Variants in NRG1 observed in about 807,000 individuals in gnomAD.
The protein encoded by NRG1 is neuregulin 1.
In NRG1, 18 loss-of-function variants were observed where a neutral mutation model predicts 63.8. The observed-to-expected ratio is 0.28, with a 90% CI of 0.19 to 0.42. NRG1 has a LOEUF of 0.42. Among genes scored for constraint, NRG1 ranks in the 10% least tolerant of loss-of-function variants. The pLI is 1.00. For synonymous variants in NRG1, 302 were observed against 301.3 expected (o/e 1.00, Z -0.02); for missense variants, 762 against 814.7 (o/e 0.94, Z 0.79).
intron 1 of NRG1, among the ~76,000 whole-genome samples, chr8:31,945,878 C>A (rs765059013): frequency 2.0e-5 from 3 of 152,186 alleles, no homozygotes; most frequent in Non-Finnish European, 2.9e-5. Context: ...GCAACATTCT[C>A]CAGCTGACTA....
intron 1 of NRG1, among the ~76,000 whole-genome samples, chr8:32,129,725 A>G (rs2131618497): frequency 6.6e-6 from 1 of 152,058 alleles, no homozygotes; most frequent in South Asian, 2.1e-4. Flanking sequence ...TCACGATAAA[A>G]AGCTGTGTCG....
At chr8:31,717,410 A>C (rs565311132) in intron 1 of NRG1, among the ~76,000 whole-genome samples, 1 of 22,264 alleles carries the variant, frequency 4.5e-5, no homozygotes, top group Non-Finnish European at 2.0e-4. Context: ...CCATCTCGAC[A>C]TTAAAAAAAA....
chr8:32,104,224 C>T (rs1049361668), intron 1 of NRG1, among the ~76,000 whole-genome samples: 4 of 152,150 alleles, frequency 2.6e-5, no homozygotes, highest in African/African-American at 7.2e-5. Context: ...TGTTACTGTA[C>T]TTAATACTGT....
At chr8:31,896,033 C>T (rs1291114065) in intron 1 of NRG1, among the ~76,000 whole-genome samples, 1 of 152,064 alleles carries the variant, frequency 6.6e-6, no homozygotes, top group African/African-American at 2.4e-5. Flanking sequence ...TGTTTTTGCC[C>T]ATTTTCTGCA....
In NRG1 at chr8:32,165,991, G is replaced by A. The variant is rs113750235; in HGVS notation, c.38-429837G>A. Among the ~76,000 whole-genome samples, 505 of 152,118 alleles carry A rather than the reference G, an allele frequency of 3.3e-3. 1 individual carries two copies. Among genetic ancestry groups the A allele is most frequent in the South Asian group, 0.024 (114 of 4,816 alleles). On this transcript the variant is annotated intron_variant, in intron 1 of 10. Transcript: ENST00000519301. Reference sequence around the variant, plus strand: ...ATAGGGATTTACTTCATTCTGAAATGGAATAATTTCATCCTCACCCTGCTT... The same window carrying A: ...ATAGGGATTTACTTCATTCTGAAATAGAATAATTTCATCCTCACCCTGCTT...
chr8:31,848,855 C>G (rs1314524499), intron 1 of NRG1, among the ~76,000 whole-genome samples: 1 of 152,168 alleles, frequency 6.6e-6, no homozygotes, highest in East Asian at 1.9e-4. Context: ...GTTGTACAAT[C>G]ACTTCATTAT....
At chr8:31,671,139 A>AT (rs35000459) in intron 1 of NRG1, among the ~76,000 whole-genome samples, 62,029 of 151,600 alleles carry the variant, frequency 0.41, 13,614 homozygotes, top group Non-Finnish European at 0.49. Context: ...CCATGATCTC[A>AT]TTTTTTTTAA....
chr8:32,380,366 G>T (rs972264586), intron 1 of NRG1, among the ~76,000 whole-genome samples: 30 of 151,942 alleles, frequency 2.0e-4, no homozygotes, highest in Admixed American at 2.0e-3. Context: ...GAGTGTTTCT[G>T]GAAATCTTTT....
chr8:32,595,736 TGCC>T, intron 1 of NRG1, 89 bp from the exon 2 acceptor site: 1 of 1,152,364 alleles, frequency 8.7e-7, no homozygotes, highest in Admixed American at 2.4e-5. Context: ...TTTGGAATGG[TGCC>T]TTGATCAGGC....
At chr8:32,325,982 A>G (rs531505188) in intron 1 of NRG1, among the ~76,000 whole-genome samples, 5 of 150,442 alleles carry the variant, frequency 3.3e-5, no homozygotes, top group Non-Finnish European at 7.4e-5. Flanking sequence ...ATTTTGTCCA[A>G]CTGATGTTTT....
At chr8:32,387,968 C>T (rs1205404031) in intron 1 of NRG1, among the ~76,000 whole-genome samples, 4 of 152,146 alleles carry the variant, frequency 2.6e-5, no homozygotes, top group South Asian at 4.1e-4. Context: ...AAGCTTGTTA[C>T]GATTCAGTCA....
intron 1 of NRG1, among the ~76,000 whole-genome samples, chr8:32,481,894 G>A (rs1825331145): frequency 6.6e-6 from 1 of 152,178 alleles, no homozygotes; most frequent in South Asian, 2.1e-4. Flanking sequence ...ATAAGGAAAT[G>A]CCCAGCTTGT....
chr8:32,257,125 A>C (rs1849814631), intron 1 of NRG1, among the ~76,000 whole-genome samples: 1 of 152,058 alleles, frequency 6.6e-6, no homozygotes, highest in African/African-American at 2.4e-5. Context: ...AATGGTGGAC[A>C]CCCCTCCCCT....
intron 1 of NRG1, among the ~76,000 whole-genome samples, chr8:32,449,701 A>G (rs1820724360): frequency 6.6e-6 from 1 of 152,204 alleles, no homozygotes; most frequent in Admixed American, 6.5e-5. Context: ...TACTGTGGCA[A>G]TACATATTTG....
At position 32,186,290 on chromosome 8, in the gene NRG1, C is replaced by A. The variant is rs537008633; in HGVS notation, c.38-409538C>A. 7.9e-5 allele frequency among the ~76,000 whole-genome samples: 12 copies of A among 151,852 alleles called. No individual in the cohort carries two copies. In the South Asian group the frequency reaches 2.5e-3, roughly 32 times the overall value. ...CATCCTGGCTAACACAGTGAAACCC[C>A]ATTTCACTAAAAATACAAAAATTAG... On this transcript the variant is annotated intron_variant, in intron 1 of 10. Transcript: ENST00000519301.
At chr8:32,738,678 A>G (rs1486107584) in intron 6 of NRG1, among the ~76,000 whole-genome samples, 2 of 152,210 alleles carry the variant, frequency 1.3e-5, no homozygotes, top group African/African-American at 4.8e-5. Context: ...TGTTAGAAGT[A>G]ATTCCACAGA....
intron 1 of NRG1, among the ~76,000 whole-genome samples, chr8:32,373,721 T>C (rs1490770781): frequency 6.6e-6 from 1 of 152,116 alleles, no homozygotes; most frequent in Non-Finnish European, 1.5e-5. Context: ...GAGGTTGCAG[T>C]GAGCCAAGAT....
At position 31,793,213 on chromosome 8, in the gene NRG1, C is replaced by T. The variant is rs114699253; in HGVS notation, c.37+153782C>T. The stretch of plus-strand genomic sequence containing the variant: ...GGCAGGAAAGAAAAACAAGACTATT[C>T]TTTGCAGATGGAGAAAAAAATGAAG... On this transcript the variant is annotated intron_variant, in intron 1 of 10. Transcript: ENST00000519301. Among the ~76,000 whole-genome samples the T allele has an allele frequency of 1.3e-3, 198 of 152,226 alleles. 2 individuals carry two copies. The highest frequency in any genetic ancestry group is 4.4e-3 in the African/African-American group (184 of 41,552).
chr8:32,181,130 A>G (rs1420570448), intron 1 of NRG1, among the ~76,000 whole-genome samples: 1 of 152,210 alleles, frequency 6.6e-6, no homozygotes, highest in African/African-American at 2.4e-5. Flanking sequence ...GAAAGAAGAA[A>G]TGTGTGAATA....
Sources: allele counts gnomAD v4.1 joint callset (sites outside exome capture counted in the v4.1 genomes callset), GRCh38; gene constraint gnomAD v4.1.1; transcripts MANE v1.5; gene names NCBI Gene and HGNC (gene_info 2026-07-23, HGNC 2026-07-21).